Variants in MLLT10 observed in about 807,000 individuals in gnomAD.
MLLT10 encodes protein AF-10.
MLLT10 carries 30 observed loss-of-function variants against 129.1 expected under a neutral mutation model. That is an observed-to-expected ratio of 0.23 (90% CI 0.17 to 0.32). MLLT10 has a LOEUF of 0.32. MLLT10 is among the 10% of genes least tolerant of loss of function. MLLT10 has a pLI of 1.00. For synonymous variants in MLLT10, 490 were observed against 446.4 expected, an observed-to-expected ratio of 1.10 and a Z score of -1.23; for missense variants, 1,119 against 1,268.3, an observed-to-expected ratio of 0.88 and a Z score of 1.79.
intron 14 of MLLT10, among the ~76,000 whole-genome samples, chr10:21,718,754 C>T (rs1335088140): frequency 6.6e-6 from 1 of 152,234 alleles, no homozygotes; most frequent in Non-Finnish European, 1.5e-5. Flanking sequence ...CGGAGTCTCA[C>T]TCTGTTGCCG....
At chr10:21,575,934 G>T (rs1448163498) in intron 3 of MLLT10, among the ~76,000 whole-genome samples, 2 of 151,126 alleles carry the variant, frequency 1.3e-5, no homozygotes, top group African/African-American at 4.9e-5. Context: ...TTGTTTGTTT[G>T]TTTTTTTTAT....
chr10:21,539,232 G>A (rs1203778585), intron 3 of MLLT10, among the ~76,000 whole-genome samples: 3 of 152,018 alleles, frequency 2.0e-5, no homozygotes, highest in South Asian at 4.2e-4. Context: ...AAAATATAAT[G>A]GAAATAGAAA....
At position 21,742,882 on chromosome 10, in the gene MLLT10, G is replaced by A. The variant is rs183711518; in HGVS notation, c.*899G>A. 2.6e-5 allele frequency: 6 copies of A among 228,754 alleles called. No homozygotes were observed. The highest frequency in any genetic ancestry group is 1.8e-4 in the South Asian group (1 of 5,488). The allele number at this position is 228,754 out of a possible 1,614,324, so 14.2% of individuals were successfully genotyped here. On this transcript the variant is annotated 3_prime_UTR_variant, in exon 23 of 23. Transcript: ENST00000307729. ...TCACCTGCAGCCTTCCCATGCTTCC[G>A]CCTTTATTCAGAACTTTCTGTGCCA...
At chr10:21,536,416 T>C (rs1008439857) in intron 2 of MLLT10, among the ~76,000 whole-genome samples, 4 of 152,212 alleles carry the variant, frequency 2.6e-5, no homozygotes, top group African/African-American at 7.2e-5. Context: ...CTATCAAAAT[T>C]TGATAATTTC....
chr10:21,655,299 T>C (rs1262388732), intron 9 of MLLT10, among the ~76,000 whole-genome samples: 4 of 152,192 alleles, frequency 2.6e-5, no homozygotes, highest in African/African-American at 7.2e-5. Context: ...AAGGTAGTGG[T>C]TGGCAAGCTT....
chr10:21,568,629 TATTTC>T (rs902404437), intron 3 of MLLT10, among the ~76,000 whole-genome samples: 4 of 152,338 alleles, frequency 2.6e-5, no homozygotes, highest in Middle Eastern at 3.4e-3. Flanking sequence ...TATTTTATTT[TATTTC>T]ATTTCATTTC....
At chr10:21,597,037 G>T (rs1225367233) in intron 5 of MLLT10, among the ~76,000 whole-genome samples, 1 of 151,400 alleles carries the variant, frequency 6.6e-6, no homozygotes, top group Non-Finnish European at 1.5e-5. Flanking sequence ...TTAGTGCTTT[G>T]GAAGTTCGTT....
At chr10:21,565,457 G>A (rs544431431) in intron 3 of MLLT10, among the ~76,000 whole-genome samples, 47 of 152,028 alleles carry the variant, frequency 3.1e-4, no homozygotes, top group African/African-American at 6.5e-4. Context: ...ACAGGCGCCC[G>A]CCACCATGCC....
chr10:21,733,150 T>C lies in MLLT10; in HGVS notation c.2407+63T>C, dbSNP rs1315625075. 6 of 1,454,466 alleles carry C rather than the reference T, an allele frequency of 4.1e-6. No individual in the cohort carries two copies. The African/African-American group carries it at 7.1e-5, about 17-fold the overall frequency. 90.1% of individuals were successfully genotyped at this position (1,454,466 alleles called of 1,614,324 possible). On this transcript the variant is annotated intron_variant, in intron 18 of 22. Coordinates refer to ENST00000307729, the MANE Select transcript of MLLT10 (RefSeq NM_001195626.3). ...TAGGCTTTCAGTTTTATTTGTATTATAAGTGAGTAATAATTGGTCACCAGT... is the reference window on the plus strand; with the variant it reads ...TAGGCTTTCAGTTTTATTTGTATTACAAGTGAGTAATAATTGGTCACCAGT...
intron 14 of MLLT10, among the ~76,000 whole-genome samples, chr10:21,723,248 T>C (rs1156312053): frequency 6.6e-6 from 1 of 152,188 alleles, no homozygotes. Context: ...ATAGATCTAA[T>C]AGATAGGGAA....
intron 5 of MLLT10, among the ~76,000 whole-genome samples, chr10:21,600,714 T>C (rs1461321854): frequency 2.6e-5 from 4 of 152,220 alleles, no homozygotes; most frequent in Admixed American, 6.5e-5. Flanking sequence ...AGCAAAATCT[T>C]GCAGTTCTGG....
At chr10:21,550,483 C>T (rs943337175) in intron 3 of MLLT10, among the ~76,000 whole-genome samples, 2 of 152,156 alleles carry the variant, frequency 1.3e-5, no homozygotes, top group East Asian at 3.8e-4. Context: ...GGTATTGTTT[C>T]TGATAGCTTC....
chr10:21,695,298 C>CT (rs1239072590), intron 13 of MLLT10, among the ~76,000 whole-genome samples: 5 of 152,260 alleles, frequency 3.3e-5, no homozygotes, highest in Non-Finnish European at 5.9e-5. Flanking sequence ...CTCAGCCCCT[C>CT]TTCTGCTTTC....
chr10:21,615,857 T>C (rs182145174), intron 7 of MLLT10, among the ~76,000 whole-genome samples: 9 of 152,284 alleles, frequency 5.9e-5, no homozygotes, highest in African/African-American at 2.2e-4. Context: ...TGTATCCATG[T>C]TCCTTTGAAG....
chr10:21,717,452 TA>T (rs1253312397), intron 14 of MLLT10, among the ~76,000 whole-genome samples: 4 of 149,198 alleles, frequency 2.7e-5, no homozygotes, highest in African/African-American at 9.9e-5. Flanking sequence ...AAAAAACCTT[TA>T]AAAAACTGTT....
chr10:21,676,324 A>G (rs552227658), intron 11 of MLLT10, among the ~76,000 whole-genome samples: 1 of 152,108 alleles, frequency 6.6e-6, no homozygotes, highest in East Asian at 1.9e-4. Context: ...AGGCTGAGGC[A>G]GGAGAATGGC....
chr10:21,557,091 A>T, intron 3 of MLLT10: 1 of 1,405,016 alleles, frequency 7.1e-7, no homozygotes. Context: ...TCATCTCATG[A>T]ATTCTGCTTT....
chr10:21,613,433 A>G (rs2044873354), intron 6 of MLLT10, among the ~76,000 whole-genome samples: 1 of 152,146 alleles, frequency 6.6e-6, no homozygotes, highest in African/African-American at 2.4e-5. Context: ...CTATTGTGAA[A>G]TGGAAAACGG....
chr10:21,698,202 T>C (rs370973333), intron 13 of MLLT10, among the ~76,000 whole-genome samples: 7 of 152,308 alleles, frequency 4.6e-5, no homozygotes, highest in Admixed American at 1.3e-4. Flanking sequence ...CAACAACCTT[T>C]CTTCATTTCT....
Sources: gnomAD v4.1 joint callset for allele counts (sites outside exome capture counted in the v4.1 genomes callset) on GRCh38, gnomAD v4.1.1 for gene constraint, MANE v1.5 for transcripts, NCBI Gene and HGNC (gene_info 2026-07-23, HGNC 2026-07-21) for gene names.